Variants in ME3 observed in about 807,000 individuals in gnomAD.
ME3 encodes NADP-dependent malic enzyme, mitochondrial.
A neutral mutation model predicts 68.9 loss-of-function variants in ME3; 48 were observed. That is an observed-to-expected ratio of 0.70 (90% confidence interval 0.55 to 0.89). ME3 has a LOEUF of 0.89. Among genes scored for constraint, ME3 ranks in the 40% least tolerant of loss-of-function variants. ME3 has a pLI of 0.00. For synonymous variants in ME3, 320 were observed against 318.8 expected (o/e 1.00, Z -0.04); for missense variants, 675 against 797.4 (o/e 0.85, Z 1.85).
chr11:86,598,944 C>T (rs947357278), intron 2 of ME3, among the ~76,000 whole-genome samples: 3 of 152,174 alleles, frequency 2.0e-5, no homozygotes, highest in African/African-American at 7.2e-5. Flanking sequence ...ACCAAAACCC[C>T]ATCTGTACAT....
At chr11:86,448,121 T>C (rs748421964) in intron 11 of ME3, 29 bp downstream of exon 11, 27 of 1,506,504 alleles carry the variant, frequency 1.8e-5, no homozygotes, top group Non-Finnish European at 2.2e-5. Context: ...TTAGCTGGGC[T>C]GGGTAGTGGG....
chr11:86,552,122 C>T lies in ME3; in HGVS notation c.467+4431G>A, dbSNP rs998222140. Among the ~76,000 whole-genome samples, 3 of 152,200 alleles carry T rather than the reference C, an allele frequency of 2.0e-5. No individual in the cohort carries two copies. In the East Asian group the frequency reaches 5.8e-4, roughly 29 times the overall value. Reference sequence around the variant, plus strand: ...CAAACAGATCACAGCTGCTGAGCTCCTACTAGGGCCAGGCCCTTTACATTT... The same window carrying T: ...CAAACAGATCACAGCTGCTGAGCTCTTACTAGGGCCAGGCCCTTTACATTT... On this transcript the variant is annotated intron_variant, in intron 4 of 14. Transcript: ENST00000543262.
At chr11:86,666,913 A>G (rs1370089097) in intron 2 of ME3, among the ~76,000 whole-genome samples, 3 of 152,232 alleles carry the variant, frequency 2.0e-5, no homozygotes, top group Non-Finnish European at 4.4e-5. Flanking sequence ...AGAAGACAAG[A>G]TCAAGTTCTA....
intron 2 of ME3, among the ~76,000 whole-genome samples, chr11:86,562,516 A>G (rs528511910): frequency 6.6e-6 from 1 of 152,250 alleles, no homozygotes; most frequent in South Asian, 2.1e-4. Context: ...GAAGTGAATG[A>G]GAATTTCTGT....
chr11:86,523,136 G>C (rs1202916168), intron 4 of ME3, among the ~76,000 whole-genome samples: 2 of 152,162 alleles, frequency 1.3e-5, no homozygotes, highest in Admixed American at 6.5e-5. Context: ...TCTTTGGACT[G>C]AGGCAAGTCA....
At chr11:86,638,883 C>T (rs928765265) in intron 2 of ME3, among the ~76,000 whole-genome samples, 1 of 152,136 alleles carries the variant, frequency 6.6e-6, no homozygotes, top group African/African-American at 2.4e-5. Flanking sequence ...CTTTACTCCC[C>T]CGACTTGCCT....
intron 2 of ME3, among the ~76,000 whole-genome samples, chr11:86,657,491 G>A (rs1286541548): frequency 1.3e-5 from 2 of 151,732 alleles, no homozygotes; most frequent in East Asian, 1.9e-4. Flanking sequence ...GCAAGGGGAG[G>A]GATAGCATTA....
At chr11:86,555,283 T>C (rs1281511163) in intron 4 of ME3, among the ~76,000 whole-genome samples, 1 of 152,168 alleles carries the variant, frequency 6.6e-6, no homozygotes, top group Non-Finnish European at 1.5e-5. Flanking sequence ...TCAGATGAAA[T>C]GCCATGAGCT....
At chr11:86,456,650 G>A (rs1426015269) in intron 8 of ME3, among the ~76,000 whole-genome samples, 1 of 152,068 alleles carries the variant, frequency 6.6e-6, no homozygotes, top group Non-Finnish European at 1.5e-5. Context: ...GACGGAGCAG[G>A]GTGGTAGCAG....
intron 10 of ME3, among the ~76,000 whole-genome samples, 175 bp downstream of exon 10, chr11:86,449,714 G>A (rs997808931): frequency 3.3e-5 from 5 of 152,356 alleles, no homozygotes; most frequent in African/African-American, 1.2e-4. Flanking sequence ...CAAACTTTTG[G>A]ACAGAAGCAA....
chr11:86,572,093 G>A (rs1957828716), intron 2 of ME3, among the ~76,000 whole-genome samples: 1 of 152,116 alleles, frequency 6.6e-6, no homozygotes, highest in African/African-American at 2.4e-5. Context: ...TATAACAGGT[G>A]GAACAAAGAA....
intron 2 of ME3, among the ~76,000 whole-genome samples, chr11:86,561,487 G>T (rs1957230483): frequency 6.6e-6 from 1 of 152,082 alleles, no homozygotes. Context: ...AAATTTTTCT[G>T]TATTTAACCA....
chr11:86,556,512 G>A (rs1265728499), intron 4 of ME3, 41 bp downstream of exon 4: 4 of 1,594,018 alleles, frequency 2.5e-6, no homozygotes, highest in South Asian at 2.3e-5. Context: ...TCCCCTCTAT[G>A]AGGCAGCCCC....
rs1298573742 is a variant in ME3, at chr11:86,615,239, T to C, written c.184-55416A>G. 2.0e-5 allele frequency among the ~76,000 whole-genome samples: 3 copies of C among 152,166 alleles called. No individual in the cohort carries two copies. In the South Asian group the frequency reaches 6.2e-4, roughly 32 times the overall value. Reference sequence around the variant, plus strand: ...TGAGAAGCTGTAGCCTCTGGATAATTGGAATTATGGAATTTTTGAGTTGGA... The same window carrying C: ...TGAGAAGCTGTAGCCTCTGGATAATCGGAATTATGGAATTTTTGAGTTGGA... On this transcript the variant is annotated intron_variant, in intron 2 of 14. Coordinates refer to ENST00000543262, the Ensembl canonical transcript of ME3.
intron 2 of ME3, among the ~76,000 whole-genome samples, chr11:86,573,521 AGTT>A (rs1245794949): frequency 6.7e-6 from 1 of 149,464 alleles, no homozygotes; most frequent in Non-Finnish European, 1.5e-5. Flanking sequence ...CAGCTTAAGG[AGTT>A]GTTGGTCTGA....
At chr11:86,594,664 C>T (rs759136688) in intron 2 of ME3, among the ~76,000 whole-genome samples, 1 of 145,888 alleles carries the variant, frequency 6.9e-6, no homozygotes, top group Non-Finnish European at 1.5e-5. Flanking sequence ...ACTGACACAG[C>T]AAGACCCTTT....
chr11:86,441,571 A>G (rs1025199096), intron 14 of ME3, 131 bp from the exon 15 acceptor site: 8 of 851,220 alleles, frequency 9.4e-6, no homozygotes, highest in Non-Finnish European at 1.4e-5. Flanking sequence ...AGTATGGCTC[A>G]TGAAACAACT....
intron 4 of ME3, among the ~76,000 whole-genome samples, chr11:86,515,085 AG>A (rs1358079094): frequency 1.3e-5 from 2 of 152,212 alleles, no homozygotes; most frequent in Non-Finnish European, 2.9e-5. Context: ...AAAGTATGGC[AG>A]GTAGAAAATC....
intron 2 of ME3, among the ~76,000 whole-genome samples, chr11:86,644,331 C>T (rs1409074605): frequency 1.3e-5 from 2 of 152,174 alleles, no homozygotes; most frequent in Non-Finnish European, 2.9e-5. Context: ...ATACAGCAGC[C>T]AGAGAGATCT....
Sources: gnomAD v4.1 joint callset for allele counts (sites outside exome capture counted in the v4.1 genomes callset) on GRCh38, gnomAD v4.1.1 for gene constraint, MANE v1.5 for transcripts, NCBI Gene and HGNC (gene_info 2026-07-23, HGNC 2026-07-21) for gene names.